The following ARG2 variants were observed in gnomAD, a reference collection of about 807,000 sequenced individuals.
The protein encoded by ARG2 is arginase 2.
A neutral mutation model predicts 39.4 loss-of-function variants in ARG2; 21 were observed. The observed-to-expected ratio is 0.53, with a 90% CI of 0.38 to 0.77. The LOEUF is 0.77. Among genes scored for constraint, ARG2 ranks in the 30% least tolerant of loss-of-function variants. ARG2 has a pLI of 0.00. For missense variants in ARG2, 378 were observed against 426.2 expected, an observed-to-expected ratio of 0.89 and a Z score of 1.00; for synonymous variants, 150 against 156.7, an observed-to-expected ratio of 0.96 and a Z score of 0.32.
intron 4 of ARG2, 39 bp from the exon 5 acceptor site, chr14:67,646,605 G>T (rs774505668): frequency 6.7e-7 from 1 of 1,503,074 alleles, no homozygotes; most frequent in Non-Finnish European, 9.2e-7. Flanking sequence ...GTGAGAACAA[G>T]AATTCTTGAT....
At position 67,642,245 on chromosome 14, in the gene ARG2, TACA is replaced by T. The variant is rs35418251; in HGVS notation, c.250_252del (p.Asn84del). 11,698 of 1,614,108 alleles carry T rather than the reference TACA, an allele frequency of 7.2e-3. 58 individuals are homozygous for T. The highest frequency in any genetic ancestry group is 9.0e-3 in the Non-Finnish European group (10,671 of 1,179,986). ...TACTCCAGTCCCCAAAGATGATCTC[TACA>T]ACAACCTGATAGTGAATCCACGCTC... On this transcript the variant is annotated inframe_deletion, in exon 3 of 8. Coordinates refer to ENST00000261783, the MANE Select transcript of ARG2 (RefSeq NM_001172.4).
In ARG2 at chr14:67,646,703, G is replaced by A; in HGVS notation, c.582G>A (p.Val194=). ...IKPCISSASI[V]YIGLRDVDPP... is the part of the protein sequence containing the mutation. ...CTTGTATCTCTTCTGCAAGTATTGT[G>A]TATATTGGTCTGAGAGACGTGGACC... is the stretch of plus-strand genomic sequence containing the variant. The change falls in exon 5 of 8, where the codon GTG becomes GTA. Residue 194 remains valine, a synonymous_variant. Coordinates refer to ENST00000261783, the MANE Select transcript of ARG2 (RefSeq NM_001172.4). 1 of 1,613,854 alleles carries A rather than the reference G, an allele frequency of 6.2e-7. No individual in the cohort carries two copies. Among genetic ancestry groups the A allele is most frequent in the Admixed American group, 1.7e-5 (1 of 59,994 alleles).
intron 6 of ARG2, chr14:67,647,350 G>GT (rs1200164750): frequency 1.4e-5 from 3 of 218,366 alleles, no homozygotes; most frequent in Non-Finnish European, 2.7e-5. Flanking sequence ...TTTCATCTGA[G>GT]TTTTATATTA....
chr14:67,629,741 T>A (rs557460426), intron 2 of ARG2, among the ~76,000 whole-genome samples: 2 of 152,308 alleles, frequency 1.3e-5, no homozygotes, highest in East Asian at 3.9e-4. Flanking sequence ...CATAAAAACT[T>A]TATAGTTTCA....
chr14:67,627,226 A>T (rs1216743855), intron 2 of ARG2, among the ~76,000 whole-genome samples: 1 of 147,536 alleles, frequency 6.8e-6, no homozygotes, highest in Non-Finnish European at 1.5e-5. Flanking sequence ...CTCAATAATT[A>T]AAAAACTAGG....
chr14:67,644,620 A>C (rs534999507), intron 3 of ARG2, among the ~76,000 whole-genome samples: 25 of 152,314 alleles, frequency 1.6e-4, no homozygotes, highest in Non-Finnish European at 1.5e-4. Flanking sequence ...CATCAGGTGT[A>C]TTCTTAGAAT....
At chr14:67,620,991 T>C in intron 2 of ARG2, 25 bp downstream of exon 2, 2 of 1,608,212 alleles carry the variant, frequency 1.2e-6, no homozygotes, top group Non-Finnish European at 1.7e-6. Flanking sequence ...TTTTAGATAT[T>C]AGTGCAGGAC....
At chr14:67,641,177 A>C (rs1426328976) in intron 2 of ARG2, among the ~76,000 whole-genome samples, 1 of 152,152 alleles carries the variant, frequency 6.6e-6, no homozygotes, top group Non-Finnish European at 1.5e-5. Flanking sequence ...TTTCATGCAC[A>C]AGATGATTTA....
chr14:67,628,559 A>G (rs2036889947), intron 2 of ARG2, among the ~76,000 whole-genome samples: 1 of 152,204 alleles, frequency 6.6e-6, no homozygotes, highest in South Asian at 2.1e-4. Flanking sequence ...TTTTAACTTA[A>G]TACCTCTTAT....
chr14:67,651,126 A>T lies in ARG2; in HGVS notation c.*206A>T. 1 of 901,900 alleles carries T rather than the reference A, an allele frequency of 1.1e-6. No homozygotes were observed. Among genetic ancestry groups the T allele is most frequent in the Non-Finnish European group, 1.6e-6 (1 of 607,156 alleles). The allele number at this position is 901,900 out of a possible 1,614,324, so 55.9% of individuals were successfully genotyped here. On this transcript the variant is annotated 3_prime_UTR_variant, in exon 8 of 8. Coordinates refer to ENST00000261783, the MANE Select transcript of ARG2 (RefSeq NM_001172.4). ...GGTTTTTTGCAGTTCACAGGGTATT[A>T]ATATGCTACAGTACTATGTAAATTT... is the stretch of plus-strand genomic sequence containing the variant.
intron 4 of ARG2, chr14:67,646,337 T>A (rs577351702): frequency 4.8e-5 from 16 of 334,016 alleles, no homozygotes; most frequent in African/African-American, 3.0e-4. Context: ...AAGTCAGTAA[T>A]GTGCAATGGG....
chr14:67,629,020 T>C (rs2036893612), intron 2 of ARG2, among the ~76,000 whole-genome samples: 1 of 152,160 alleles, frequency 6.6e-6, no homozygotes, highest in South Asian at 2.1e-4. Flanking sequence ...TACATACATA[T>C]AATGGACTAT....
chr14:67,633,674 T>G (rs1362774820), intron 2 of ARG2, among the ~76,000 whole-genome samples: 1 of 152,230 alleles, frequency 6.6e-6, no homozygotes. Flanking sequence ...TTTGTCTTCC[T>G]GGCTTAGAAA....
intron 2 of ARG2, among the ~76,000 whole-genome samples, chr14:67,621,201 C>T (rs1358467746): frequency 1.3e-5 from 2 of 152,128 alleles, no homozygotes; most frequent in African/African-American, 4.8e-5. Context: ...GTCTGAACAG[C>T]TGTCAGGGAA....
At position 67,643,852 on chromosome 14, in the gene ARG2, TAAAAAAAAAAAAAAAA is replaced by T. The variant is rs553614739; in HGVS notation, c.362+1504_362+1519del. Among the ~76,000 whole-genome samples the T allele has an allele frequency of 5.9e-3, 476 of 81,220 alleles. 5 individuals are homozygous for T. The highest frequency in any genetic ancestry group is 0.021 in the African/African-American group (452 of 21,934). 53.3% of individuals were successfully genotyped at this position (81,220 alleles called of 152,430 possible). A position where few individuals can be genotyped will look rare whatever the true frequency, so the allele number is the denominator to read the frequency against. ...AAGCAGGTAGATTCCTCCTTGGGAG[TAAAAAAAAAAAAAAAA>T]AAAAAAAAAAAAAAGACTCAGGTTG... On this transcript the variant is annotated intron_variant, in intron 3 of 7. Transcript: ENST00000261783.
chr14:67,646,958 A>G lies in ARG2; in HGVS notation c.655A>G (p.Met219Val). The change falls in exon 6 of 8, where the codon ATG becomes GTG. Residue 219 changes from methionine (M) to valine (V), a missense_variant. Transcript: ENST00000261783. ...LKNYDIQYFS[M>V]RDIDRLGIQK... ...GAACTATGATATCCAGTATTTTTCC[A>G]TGAGAGATATTGATCGACTTGGTAT... The G allele has an allele frequency of 3.1e-6, 5 of 1,611,832 alleles. No individual in the cohort carries two copies. Among genetic ancestry groups the G allele is most frequent in the Non-Finnish European group, 3.4e-6 (4 of 1,178,078 alleles).
Position 67,650,959 on chromosome 14 carries a change from C to T in ARG2, c.*39C>T, listed in dbSNP as rs2037167661. On this transcript the variant is annotated 3_prime_UTR_variant, in exon 8 of 8. Transcript: ENST00000261783. ...CTGACATGTTTCACAACAGGCATTC[C>T]AGAATTATGAGGCATTGAGGGGATA... 1.3e-6 allele frequency: 2 copies of T among 1,588,176 alleles called. No individual in the cohort carries two copies. Among genetic ancestry groups the T allele is most frequent in the East Asian group, 4.5e-5 (2 of 44,770 alleles).
chr14:67,647,343 CATCTGAGTTTTAT>C, intron 6 of ARG2: 1 of 227,542 alleles, frequency 4.4e-6, no homozygotes, highest in South Asian at 1.1e-4. Flanking sequence ...ACGATTGTTT[CATCTGAGTTTTAT>C]ATTAAGCAAA....
In ARG2 at chr14:67,644,997, T is replaced by TAAA. The variant is rs558540535; in HGVS notation, c.363-630_363-628dup. On this transcript the variant is annotated intron_variant, in intron 3 of 7. Transcript: ENST00000261783. ...TGGGAAACAGAGCGAGACTCCGTCTTAAAAAAAAAAAAAAAAAATTGAATG... is the reference window on the plus strand; with the variant it reads ...TGGGAAACAGAGCGAGACTCCGTCTTAAAAAAAAAAAAAAAAAAAAATTGAATG... Among the ~76,000 whole-genome samples, 73 of 132,444 alleles carry TAAA rather than the reference T, an allele frequency of 5.5e-4. 1 individual carries two copies. The highest frequency in any genetic ancestry group is 8.5e-4 in the Admixed American group (11 of 12,952). 86.9% of individuals were successfully genotyped at this position (132,444 alleles called of 152,430 possible).
Sources: gnomAD v4.1 joint callset for allele counts (sites outside exome capture counted in the v4.1 genomes callset) on GRCh38, gnomAD v4.1.1 for gene constraint, MANE v1.5 for transcripts, NCBI Gene and HGNC (gene_info 2026-07-23, HGNC 2026-07-21) for gene names.